Variants in ZNF345 observed in about 807,000 individuals in gnomAD.
ZNF345 encodes the protein zinc finger protein 345, also known as zinc finger protein HZF10.
For missense variants in ZNF345, 527 were observed against 589.9 expected (o/e 0.89, Z 1.10); for synonymous variants, 166 against 187.9 (o/e 0.88, Z 0.95).
rs759235961 is a variant in ZNF345, at chr19:36,877,661, A to G, written c.831A>G (p.Gln277=). The stretch of plus-strand genomic sequence containing the variant: ...TTGGATCAGCCCTTACTCGACATCA[A>G]AGAATTCATACTGGTGAGAAACCTT... ...FSFGSALTRH[Q]RIHTGEKPYV... The change falls in exon 3 of 3, where the codon CAA becomes CAG. Residue 277 remains glutamine (Q), a synonymous_variant. Coordinates refer to ENST00000420450, the MANE Select transcript of ZNF345 (RefSeq NM_001242472.2). 6.2e-6 allele frequency: 10 copies of G among 1,613,296 alleles called. No homozygotes were observed. In the Admixed American group the frequency reaches 6.7e-5, roughly 11 times the overall value.
At position 36,878,936 on chromosome 19, in the gene ZNF345, C is replaced by A; in HGVS notation, c.*639C>A. 6.1e-6 allele frequency: 1 copy of A among 163,298 alleles called. No homozygotes were observed. 10.1% of individuals were successfully genotyped at this position (163,298 alleles called of 1,614,324 possible). A position where few individuals can be genotyped will look rare whatever the true frequency, so the allele number is the denominator to read the frequency against. On this transcript the variant is annotated 3_prime_UTR_variant, in exon 3 of 3. Transcript: ENST00000420450. ...CACTGCAACCTCCACCTCCCGAGTT[C>A]AAGTGATTTTCCTGCCTCAGCTCCC... is the stretch of plus-strand genomic sequence containing the variant.
downstream of ZNF345, among the ~76,000 whole-genome samples, chr19:36,882,998 T>C (rs1049009739): frequency 2.6e-5 from 4 of 152,324 alleles, 1 homozygote; most frequent in South Asian, 6.2e-4. Flanking sequence ...TTATGTTTGG[T>C]TGCTGTATTT....
intron 2 of ZNF345, among the ~76,000 whole-genome samples, chr19:36,864,559 C>T (rs1047459661): frequency 6.6e-6 from 1 of 151,954 alleles, no homozygotes; most frequent in African/African-American, 2.4e-5. Flanking sequence ...AGAGCAGCCA[C>T]TACTAATGGT....
Position 36,878,512 on chromosome 19 carries a change from C to T in ZNF345, c.*215C>T. The T allele has an allele frequency of 2.5e-6, 1 of 397,390 alleles. No homozygotes were observed. Among genetic ancestry groups the T allele is most frequent in the Non-Finnish European group, 4.5e-6 (1 of 219,952 alleles). 24.6% of individuals were successfully genotyped at this position (397,390 alleles called of 1,614,324 possible). A position where few individuals can be genotyped will look rare whatever the true frequency, so the allele number is the denominator to read the frequency against. On this transcript the variant is annotated 3_prime_UTR_variant, in exon 3 of 3. Transcript: ENST00000420450. ...ATTCCTTCATTACTTTTGGAAAATT[C>T]TTACTTGTGAATGTTAAAAATGAAA...
chr19:36,860,257 A>T (rs867291878), intron 2 of ZNF345, among the ~76,000 whole-genome samples: 2 of 152,288 alleles, frequency 1.3e-5, no homozygotes, highest in Non-Finnish European at 1.5e-5. Context: ...GCGTCCAGCT[A>T]AGTTGCAGAT....
At chr19:36,870,956 G>A (rs1210650367) in intron 2 of ZNF345, among the ~76,000 whole-genome samples, 1 of 152,142 alleles carries the variant, frequency 6.6e-6, no homozygotes, top group Non-Finnish European at 1.5e-5. Context: ...GAGAAAAAAA[G>A]ATTATTCCAG....
intron 2 of ZNF345, among the ~76,000 whole-genome samples, chr19:36,875,286 T>G (rs1288996655): frequency 1.3e-5 from 2 of 152,126 alleles, no homozygotes; most frequent in Admixed American, 1.3e-4. Context: ...TAATTCAGAC[T>G]GAACATGTAG....
intron 2 of ZNF345, among the ~76,000 whole-genome samples, chr19:36,865,495 CTG>C (rs1449574375): frequency 6.6e-6 from 1 of 152,128 alleles, no homozygotes; most frequent in African/African-American, 2.4e-5. Context: ...GAGTCTCACT[CTG>C]TCACACATGC....
At chr19:36,859,105 A>C (rs2072488667) in intron 2 of ZNF345, among the ~76,000 whole-genome samples, 1 of 151,978 alleles carries the variant, frequency 6.6e-6, no homozygotes, top group African/African-American at 2.4e-5. Context: ...AAAAAAAAAA[A>C]AACTTTCAAA....
chr19:36,859,878 G>GCA (rs149214652), intron 2 of ZNF345, among the ~76,000 whole-genome samples: 22,574 of 147,844 alleles, frequency 0.15, 1,768 homozygotes, highest in Middle Eastern at 0.27. Flanking sequence ...CTCTCTCTCT[G>GCA]CACACACACA....
rs201165537 is a variant in ZNF345, at chr19:36,892,225, T to A, written c.47-593T>A. The A allele has an allele frequency of 1.3e-5, 21 of 1,614,128 alleles. No homozygotes were observed. Among genetic ancestry groups the A allele is most frequent in the Non-Finnish European group, 1.8e-5 (21 of 1,180,034 alleles). ...TGAGCCACGACTAAAGGACTTCCCA[T>A]ACTCCTTAGATTCATAGTGTTTTTC... On this transcript the variant is annotated intron_variant, in intron 3 of 3. Transcript: ENST00000526123.
intron 2 of ZNF345, among the ~76,000 whole-genome samples, chr19:36,874,931 C>T (rs895980356): frequency 2.0e-5 from 3 of 152,112 alleles, no homozygotes; most frequent in Non-Finnish European, 4.4e-5. Context: ...TGCACGTGAT[C>T]CACTTGAGCT....
At chr19:36,871,870 C>T (rs906813354) in intron 2 of ZNF345, among the ~76,000 whole-genome samples, 12 of 152,054 alleles carry the variant, frequency 7.9e-5, no homozygotes, top group South Asian at 4.1e-4. Context: ...TGGGTACAAG[C>T]GATTCTCCTG....
intron 2 of ZNF345, among the ~76,000 whole-genome samples, chr19:36,852,539 A>G (rs899353294): frequency 2.0e-5 from 3 of 151,510 alleles, no homozygotes; most frequent in African/African-American, 2.4e-5. Context: ...CCCGGGAGGC[A>G]GAGGTTGCAG....
At chr19:36,892,488 A>G in intron 3 of ZNF345, 1 of 1,541,484 alleles carries the variant, frequency 6.5e-7, no homozygotes, top group Non-Finnish European at 8.7e-7. Flanking sequence ...GAAAATACAA[A>G]GGCAAATAAA....
intron 3 of ZNF345, chr19:36,891,413 T>C (rs1047897966): frequency 2.9e-6 from 4 of 1,371,788 alleles, no homozygotes; most frequent in African/African-American, 2.9e-5. Context: ...TTTGATAATA[T>C]GTATCCTAAT....
chr19:36,855,447 C>CTTTTT (rs34265794), intron 2 of ZNF345, among the ~76,000 whole-genome samples: 31 of 58,584 alleles, frequency 5.3e-4, no homozygotes, highest in African/African-American at 7.0e-4. Flanking sequence ...CGAGCCTGGC[C>CTTTTT]TTTTTTTTTT....
In ZNF345 at chr19:36,878,038, G is replaced by C; in HGVS notation, c.1208G>C (p.Cys403Ser). ...TGERPYECKE[C>S]GKSFSSGSAL... Reference sequence around the variant, plus strand: ...GAAAGACCCTATGAATGTAAAGAATGTGGAAAGTCCTTTAGTAGTGGTTCA... The same window carrying C: ...GAAAGACCCTATGAATGTAAAGAATCTGGAAAGTCCTTTAGTAGTGGTTCA... The change falls in exon 3 of 3, where the codon TGT (cysteine) becomes TCT (serine). Residue 403 changes from cysteine (C) to serine (S), a missense_variant. Cys to Ser is a moderately radical substitution (Grantham distance 112, BLOSUM62 -1). Coordinates refer to ENST00000420450, the MANE Select transcript of ZNF345 (RefSeq NM_001242472.2). 1 of 1,614,040 alleles carries C rather than the reference G, an allele frequency of 6.2e-7. No individual in the cohort carries two copies. Among genetic ancestry groups the C allele is most frequent in the Non-Finnish European group, 8.5e-7 (1 of 1,180,014 alleles).
intron 3 of ZNF345, chr19:36,888,032 A>G (rs1214841280): frequency 1.3e-5 from 2 of 152,174 alleles, no homozygotes; most frequent in Non-Finnish European, 2.9e-5. Context: ...CTGAAACAAC[A>G]TATGACAAAC....
Sources: gnomAD v4.1 joint callset for allele counts (sites outside exome capture counted in the v4.1 genomes callset) on GRCh38, gnomAD v4.1.1 for gene constraint, MANE v1.5 for transcripts, NCBI Gene and HGNC (gene_info 2026-07-23, HGNC 2026-07-21) for gene names.